The following SERP2 variants were observed in gnomAD, a reference collection of about 807,000 sequenced individuals.
The protein encoded by SERP2 is stress associated endoplasmic reticulum protein family member 2.
In SERP2, 6 loss-of-function variants were observed where a neutral mutation model predicts 9.1. That is an observed-to-expected ratio of 0.66 (90% confidence interval 0.36 to 1.30). SERP2 has a LOEUF of 1.30. SERP2 is among the 50% of genes most tolerant of loss of function. SERP2 has a pLI of 0.03. For missense variants in SERP2, 58 were observed against 81.9 expected (o/e 0.71, Z 1.13); for synonymous variants, 37 against 27.3 (o/e 1.35, Z -1.10).
chr13:44,390,572 CCTTAA>C (rs1872645228), intron 2 of SERP2: 5 of 381,228 alleles, frequency 1.3e-5, no homozygotes, highest in South Asian at 9.8e-5. Flanking sequence ...CCATCAGCTC[CCTTAA>C]GGTGACCTGC....
chr13:44,384,157 T>C (rs1461545573), intron 2 of SERP2, among the ~76,000 whole-genome samples: 1 of 152,126 alleles, frequency 6.6e-6, no homozygotes, highest in Non-Finnish European at 1.5e-5. Flanking sequence ...TACTGTGCCC[T>C]TCCTTCTATC....
At chr13:44,392,775 A>G (rs971478548) in intron 2 of SERP2, among the ~76,000 whole-genome samples, 2 of 152,132 alleles carry the variant, frequency 1.3e-5, no homozygotes, top group Admixed American at 1.3e-4. Context: ...GGTGTGCTGG[A>G]GCTCAGAGAA....
At chr13:44,379,299 A>G (rs1053157162) in intron 1 of SERP2, among the ~76,000 whole-genome samples, 2 of 152,226 alleles carry the variant, frequency 1.3e-5, no homozygotes, top group Admixed American at 6.5e-5. Context: ...TGCCTGGCAC[A>G]GAGCATTACT....
At chr13:44,381,432 C>T (rs1252974762) in intron 2 of SERP2, among the ~76,000 whole-genome samples, 1 of 152,116 alleles carries the variant, frequency 6.6e-6, no homozygotes, top group Non-Finnish European at 1.5e-5. Context: ...GTCCCAGCTA[C>T]TCAGGAGGCT....
chr13:44,390,584 C>T (rs1872647546), intron 2 of SERP2: 1 of 357,332 alleles, frequency 2.8e-6, no homozygotes, highest in Admixed American at 3.4e-5. Context: ...TTAAGGTGAC[C>T]TGCAGCCTCC....
At chr13:44,388,278 TTGTG>T (rs10538071) in intron 2 of SERP2, among the ~76,000 whole-genome samples, 148,904 of 152,052 alleles carry the variant, frequency 0.98, 72,973 homozygotes, top group Non-Finnish European at 1. Context: ...GTGGGTTTTT[TTGTG>T]TGTGTGTTTG....
At chr13:44,396,795 G>A (rs1873131254) in intron 2 of SERP2, among the ~76,000 whole-genome samples, 1 of 152,228 alleles carries the variant, frequency 6.6e-6, no homozygotes, top group African/African-American at 2.4e-5. Context: ...GAGGGTTCTA[G>A]GCAGACAGAG....
At chr13:44,395,969 C>A in intron 2 of SERP2, 3 of 414,994 alleles carry the variant, frequency 7.2e-6, no homozygotes, top group South Asian at 5.4e-5. Context: ...CACACGCAGC[C>A]TCCTCTGTAA....
At chr13:44,396,733 G>A (rs1207181171) in intron 2 of SERP2, among the ~76,000 whole-genome samples, 7 of 152,182 alleles carry the variant, frequency 4.6e-5, no homozygotes, top group Non-Finnish European at 7.3e-5. Context: ...CTCTCCATAA[G>A]AGACAGCCGC....
chr13:44,386,112 T>C (rs8000903), intron 2 of SERP2, among the ~76,000 whole-genome samples: 65,138 of 151,934 alleles, frequency 0.43, 14,064 homozygotes, highest in Non-Finnish European at 0.47. Flanking sequence ...TCCCATGTGA[T>C]AAAGCGTCAA....
chr13:44,375,195 C>T (rs1180140512), intron 1 of SERP2, among the ~76,000 whole-genome samples: 2 of 152,078 alleles, frequency 1.3e-5, no homozygotes, highest in Non-Finnish European at 2.9e-5. Flanking sequence ...GAATCAATTC[C>T]TTTTAGCCAA....
chr13:44,393,119 G>A (rs1283810003), intron 2 of SERP2, among the ~76,000 whole-genome samples: 3 of 152,150 alleles, frequency 2.0e-5, no homozygotes, highest in Non-Finnish European at 2.9e-5. Context: ...TACACTAAGC[G>A]ACTCAAAAGT....
intron 2 of SERP2, among the ~76,000 whole-genome samples, chr13:44,393,118 C>T (rs1235243743): frequency 2.0e-5 from 3 of 152,030 alleles, no homozygotes; most frequent in South Asian, 2.1e-4. Flanking sequence ...TTACACTAAG[C>T]GACTCAAAAG....
chr13:44,376,153 G>T (rs1871635668), intron 1 of SERP2, among the ~76,000 whole-genome samples: 1 of 152,168 alleles, frequency 6.6e-6, no homozygotes, highest in African/African-American at 2.4e-5. Flanking sequence ...GCATTGGTTG[G>T]GGGGATTTTG....
chr13:44,375,221 T>TTGATTA (rs1272696210), intron 1 of SERP2, among the ~76,000 whole-genome samples: 38 of 152,226 alleles, frequency 2.5e-4, no homozygotes, highest in African/African-American at 9.1e-4. Flanking sequence ...CTATATTGGT[T>TTGATTA]TGATTAACTA....
At chr13:44,390,235 G>A (rs1047115915) in intron 2 of SERP2, 1 of 310,144 alleles carries the variant, frequency 3.2e-6, no homozygotes, top group African/African-American at 2.2e-5. Context: ...CCTGGGTCTT[G>A]CTCCCAGATG....
intron 2 of SERP2, among the ~76,000 whole-genome samples, 156 bp from the exon 3 acceptor site, chr13:44,397,116 A>C (rs1252568595): frequency 2.0e-5 from 3 of 151,932 alleles, no homozygotes; most frequent in Non-Finnish European, 4.4e-5. Context: ...AAGTTCACTG[A>C]CCTCTTGTTA....
At chr13:44,381,973 C>T (rs148579299) in intron 2 of SERP2, among the ~76,000 whole-genome samples, 1 of 149,022 alleles carries the variant, frequency 6.7e-6, no homozygotes, top group East Asian at 2.0e-4. Flanking sequence ...TAGTATTTAG[C>T]ACATAGTTAG....
chr13:44,381,975 CAT>C (rs939297361), intron 2 of SERP2, among the ~76,000 whole-genome samples: 1 of 148,070 alleles, frequency 6.8e-6, no homozygotes, highest in African/African-American at 2.5e-5. Context: ...GTATTTAGCA[CAT>C]AGTTAGTGCT....
Sources: allele counts gnomAD v4.1 joint callset (sites outside exome capture counted in the v4.1 genomes callset), GRCh38; gene constraint gnomAD v4.1.1; transcripts MANE v1.5; gene names NCBI Gene and HGNC (gene_info 2026-07-23, HGNC 2026-07-21).